GRID2: variants seen among roughly 807,000 people sequenced by gnomAD.
GRID2 encodes the protein glutamate receptor ionotropic, delta-2.
Under a neutral mutation model 114.8 loss-of-function variants are expected in GRID2, and 33 were observed. The ratio of observed to expected loss-of-function variants is 0.29; its 90% CI spans 0.22 to 0.38. The LOEUF (loss-of-function observed/expected upper bound fraction) is 0.38. GRID2 is among the 10% of genes least tolerant of loss of function. The probability of loss-of-function intolerance (pLI) is 1.00; values close to 1 mark genes in which losing one functional copy is unlikely to be tolerated. For missense variants in GRID2, 1,184 were observed against 1,257.7 expected, an observed-to-expected ratio of 0.94 and a Z score of 0.89; for synonymous variants, 505 against 449.9, an observed-to-expected ratio of 1.12 and a Z score of -1.55.
chr4:93,704,959 G>C (rs1204467179), intron 14 of GRID2, among the ~76,000 whole-genome samples: 1 of 152,074 alleles, frequency 6.6e-6, no homozygotes, highest in Non-Finnish European at 1.5e-5. Context: ...TCTCCTTTGA[G>C]TATATACCTA....
chr4:92,696,208 C>T (rs1468560681), intron 2 of GRID2, among the ~76,000 whole-genome samples: 1 of 152,090 alleles, frequency 6.6e-6, no homozygotes, highest in Non-Finnish European at 1.5e-5. Flanking sequence ...ACACCAGATA[C>T]TGCCCTAGTT....
At chr4:93,510,705 A>C (rs2149485539) in intron 12 of GRID2, among the ~76,000 whole-genome samples, 1 of 152,168 alleles carries the variant, frequency 6.6e-6, no homozygotes, top group Non-Finnish European at 1.5e-5. Flanking sequence ...TGACTCTGCC[A>C]GGGGGGAAAA....
chr4:93,602,643 T>G (rs1448119033), intron 13 of GRID2, among the ~76,000 whole-genome samples: 6 of 152,214 alleles, frequency 3.9e-5, no homozygotes, highest in Non-Finnish European at 7.3e-5. Flanking sequence ...TTCTGGCTGC[T>G]TCACCGACTG....
chr4:93,235,427 T>C (rs1746665259), intron 7 of GRID2, among the ~76,000 whole-genome samples: 1 of 152,068 alleles, frequency 6.6e-6, no homozygotes, highest in Admixed American at 6.6e-5. Context: ...TAATGACCAT[T>C]CATTACCCCT....
At chr4:92,712,687 C>T (rs1735313761) in intron 2 of GRID2, among the ~76,000 whole-genome samples, 2 of 151,936 alleles carry the variant, frequency 1.3e-5, no homozygotes, top group Non-Finnish European at 2.9e-5. Flanking sequence ...TTGCAGGATT[C>T]TCTTATTTAA....
intron 1 of GRID2, among the ~76,000 whole-genome samples, chr4:92,310,122 C>A (rs976151376): frequency 4.6e-5 from 7 of 151,938 alleles, no homozygotes; most frequent in Non-Finnish European, 7.4e-5. Context: ...GTATCGATTC[C>A]TTGCATAGTT....
At chr4:92,417,631 T>C (rs774536003) in intron 1 of GRID2, among the ~76,000 whole-genome samples, 1 of 152,176 alleles carries the variant, frequency 6.6e-6, no homozygotes, top group East Asian at 1.9e-4. Context: ...ATTATCATAT[T>C]ACATGCCATT....
At chr4:92,499,677 A>T (rs1723574097) in intron 1 of GRID2, among the ~76,000 whole-genome samples, 1 of 152,148 alleles carries the variant, frequency 6.6e-6, no homozygotes, top group African/African-American at 2.4e-5. Flanking sequence ...CAATGGCGTG[A>T]TCTTGGCTCA....
chr4:92,695,488 A>G (rs897720798), intron 2 of GRID2, among the ~76,000 whole-genome samples: 1 of 152,136 alleles, frequency 6.6e-6, no homozygotes, highest in Non-Finnish European at 1.5e-5. Flanking sequence ...AATTTTTACA[A>G]TGCTTGCAAA....
At chr4:93,452,201 A>T (rs1722753144) in intron 10 of GRID2, among the ~76,000 whole-genome samples, 1 of 152,154 alleles carries the variant, frequency 6.6e-6, no homozygotes, top group Non-Finnish European at 1.5e-5. Flanking sequence ...AATTCAAGGG[A>T]AAGTTGTGTT....
At chr4:93,338,656 T>C (rs535838609) in intron 8 of GRID2, among the ~76,000 whole-genome samples, 1 of 152,196 alleles carries the variant, frequency 6.6e-6, no homozygotes, top group Non-Finnish European at 1.5e-5. Context: ...TCTTGTGAGC[T>C]TGTTCAAGCT....
At chr4:92,885,178 G>A (rs938351396) in intron 2 of GRID2, 4 of 233,310 alleles carry the variant, frequency 1.7e-5, no homozygotes, top group African/African-American at 7.0e-5. Context: ...GTCCTTGTCA[G>A]GATAGAACTA....
chr4:92,587,319 C>T (rs1043278159), intron 1 of GRID2, among the ~76,000 whole-genome samples: 1 of 151,938 alleles, frequency 6.6e-6, no homozygotes, highest in South Asian at 2.1e-4. Context: ...ATATAGTTAA[C>T]AAAGTAGATC....
At chr4:93,029,967 C>T (rs1724241545) in intron 2 of GRID2, among the ~76,000 whole-genome samples, 1 of 152,142 alleles carries the variant, frequency 6.6e-6, no homozygotes, top group East Asian at 1.9e-4. Flanking sequence ...TCTTAGAGTA[C>T]TGCATGTCCC....
intron 2 of GRID2, among the ~76,000 whole-genome samples, chr4:92,880,769 T>C (rs573942076): frequency 6.6e-6 from 1 of 152,306 alleles, no homozygotes; most frequent in South Asian, 2.1e-4. Flanking sequence ...CTGCCCAGGC[T>C]GGAGTGCAAT....
At chr4:93,402,178 C>T (rs571267130) in intron 9 of GRID2, among the ~76,000 whole-genome samples, 59 of 152,128 alleles carry the variant, frequency 3.9e-4, no homozygotes, top group African/African-American at 1.4e-3. Context: ...ATTTAATACA[C>T]CTATGCTAAG....
At chr4:93,593,685 G>A (rs1738677804) in intron 13 of GRID2, among the ~76,000 whole-genome samples, 1 of 151,916 alleles carries the variant, frequency 6.6e-6, no homozygotes, top group Non-Finnish European at 1.5e-5. Context: ...ATCACTTTCA[G>A]GTACACCAAT....
intron 10 of GRID2, among the ~76,000 whole-genome samples, chr4:93,441,390 T>C (rs1721606890): frequency 1.3e-5 from 2 of 152,040 alleles, no homozygotes; most frequent in Admixed American, 1.3e-4. Flanking sequence ...CTGGAAATTA[T>C]AAACATAGAG....
intron 14 of GRID2, among the ~76,000 whole-genome samples, chr4:93,750,672 C>T (rs1206766590): frequency 5.9e-5 from 9 of 151,990 alleles, no homozygotes; most frequent in African/African-American, 1.9e-4. Context: ...AGGAGAATGG[C>T]GTGAACCCGG....
Sources: gnomAD v4.1 joint callset for allele counts (sites outside exome capture counted in the v4.1 genomes callset) on GRCh38, gnomAD v4.1.1 for gene constraint, MANE v1.5 for transcripts, NCBI Gene and HGNC (gene_info 2026-07-23, HGNC 2026-07-21) for gene names.